DPY19L2: variants seen among roughly 807,000 people sequenced by gnomAD.
The protein encoded by DPY19L2 is probable C-mannosyltransferase DPY19L2.
In DPY19L2, 34 loss-of-function variants were observed where a neutral mutation model predicts 97.9. The ratio of observed to expected loss-of-function variants is 0.35; its 90% CI spans 0.26 to 0.46. The LOEUF (loss-of-function observed/expected upper bound fraction) is 0.46. Ranked by LOEUF, DPY19L2 falls within the 20% of genes least tolerant of loss-of-function variation. The pLI, the probability that DPY19L2 is intolerant of heterozygous loss-of-function variation, is 1.00. For missense variants in DPY19L2, 623 were observed against 911.4 expected (o/e 0.68, Z 4.07); for synonymous variants, 230 against 307.9 (o/e 0.75, Z 2.65).
chr12:63,646,606 G>A (rs1893443448), intron 5 of DPY19L2, among the ~76,000 whole-genome samples: 1 of 152,102 alleles, frequency 6.6e-6, no homozygotes, highest in Non-Finnish European at 1.5e-5. Context: ...AGATACAAGT[G>A]GCTCTGAATG....
At chr12:63,644,843 T>C (rs2138131885) in intron 5 of DPY19L2, among the ~76,000 whole-genome samples, 1 of 152,270 alleles carries the variant, frequency 6.6e-6, no homozygotes, top group South Asian at 2.1e-4. Flanking sequence ...TGTAATGATT[T>C]GTTGGGGATT....
At chr12:63,618,312 G>A in intron 9 of DPY19L2, 84 bp from the exon 10 acceptor site, 1 of 522,384 alleles carries the variant, frequency 1.9e-6, no homozygotes, top group Non-Finnish European at 3.3e-6. Flanking sequence ...AATATAAGAG[G>A]AGGGCTACAG....
intron 12 of DPY19L2, among the ~76,000 whole-genome samples, chr12:63,607,202 TTGAG>T (rs1322371035): frequency 6.6e-6 from 1 of 152,136 alleles, no homozygotes; most frequent in African/African-American, 2.4e-5. Flanking sequence ...TAATTTTCCT[TTGAG>T]TGCAGCCTTG....
At chr12:63,572,099 G>A (rs1878975523) in intron 19 of DPY19L2, among the ~76,000 whole-genome samples, 1 of 152,152 alleles carries the variant, frequency 6.6e-6, no homozygotes, top group South Asian at 2.1e-4. Context: ...GCAGTGGGGA[G>A]CAGCACCAAG....
intron 12 of DPY19L2, among the ~76,000 whole-genome samples, chr12:63,603,682 C>A (rs3965258): frequency 0.23 from 34,483 of 152,068 alleles, 4,294 homozygotes; most frequent in East Asian, 0.43. Context: ...CCATCCATGT[C>A]CCTGTCAAGG....
At chr12:63,587,219 T>C (rs1881944552) in intron 16 of DPY19L2, among the ~76,000 whole-genome samples, 1 of 152,038 alleles carries the variant, frequency 6.6e-6, no homozygotes, top group Admixed American at 6.6e-5. Context: ...TACAATCCTA[T>C]AATAATCATG....
At chr12:63,620,389 G>A (rs567766085) in intron 9 of DPY19L2, among the ~76,000 whole-genome samples, 14 of 152,182 alleles carry the variant, frequency 9.2e-5, no homozygotes, top group African/African-American at 3.1e-4. Flanking sequence ...ATTGGCCCTT[G>A]GCATGCTGTG....
rs1241196565 is a variant in DPY19L2 at position 63,596,048 on chromosome 12, C to A, written c.1462-11G>T. 3 of 1,588,420 alleles carry A rather than the reference C, an allele frequency of 1.9e-6. No homozygotes were observed. The highest frequency in any genetic ancestry group is 2.6e-6 in the Non-Finnish European group (3 of 1,168,630). ...GTATCTCAGCGGAGTCTGAAATATA[C>A]CAAATTATTCAAAATGGTTACTTAC... On this transcript the variant is annotated splice_polypyrimidine_tract_variant and intron_variant, in intron 14 of 21. Coordinates refer to ENST00000324472, the MANE Select transcript of DPY19L2 (RefSeq NM_173812.5).
chr12:63,569,007 C>A (rs1294475131), intron 21 of DPY19L2, among the ~76,000 whole-genome samples: 1 of 151,708 alleles, frequency 6.6e-6, no homozygotes, highest in Non-Finnish European at 1.5e-5. Flanking sequence ...ATTGAAAAAT[C>A]AGGATATTAA....
At chr12:63,625,913 C>CAA (rs1288984900) in intron 7 of DPY19L2, among the ~76,000 whole-genome samples, 2 of 146,758 alleles carry the variant, frequency 1.4e-5, no homozygotes, top group Non-Finnish European at 3.0e-5. Context: ...ATTCTGACCA[C>CAA]AATAAAAAGT....
At chr12:63,579,161 A>G (rs146225270) in intron 19 of DPY19L2, among the ~76,000 whole-genome samples, 4,497 of 152,272 alleles carry the variant, frequency 0.03, 105 homozygotes, top group Middle Eastern at 0.082. Flanking sequence ...ATATTTTCCT[A>G]TCACTGTATG....
At chr12:63,624,270 T>C (rs1889170321) in intron 7 of DPY19L2, 139 bp from the exon 8 acceptor site, 1 of 654,980 alleles carries the variant, frequency 1.5e-6, no homozygotes, top group South Asian at 1.9e-5. Flanking sequence ...AGCTTCTCAG[T>C]TTTTGAAGCT....
At chr12:63,651,715 A>T (rs1226972735) in intron 4 of DPY19L2, 17 of 447,572 alleles carry the variant, frequency 3.8e-5, no homozygotes, top group Admixed American at 6.7e-5. Context: ...AAGGATGGTT[A>T]CAACTGCAAT....
chr12:63,568,564 C>A (rs1565694082), intron 21 of DPY19L2, among the ~76,000 whole-genome samples: 1 of 151,872 alleles, frequency 6.6e-6, no homozygotes, highest in South Asian at 2.1e-4. Flanking sequence ...TAGTTTGCAT[C>A]TCTGAAACTT....
At chr12:63,585,455 A>C (rs905167528) in intron 16 of DPY19L2, among the ~76,000 whole-genome samples, 1 of 152,062 alleles carries the variant, frequency 6.6e-6, no homozygotes, top group Non-Finnish European at 1.5e-5. Context: ...TTTAAATCGA[A>C]GACAGGGGAA....
chr12:63,572,771 G>T (rs899295196), intron 19 of DPY19L2, among the ~76,000 whole-genome samples: 4 of 152,044 alleles, frequency 2.6e-5, no homozygotes, highest in African/African-American at 9.7e-5. Context: ...GAGAGTAAGG[G>T]AAGAGAACAA....
chr12:63,587,676 G>A (rs752743047), intron 16 of DPY19L2, among the ~76,000 whole-genome samples: 8 of 151,586 alleles, frequency 5.3e-5, no homozygotes, highest in Non-Finnish European at 1.0e-4. Context: ...GGGTTCCAGC[G>A]ATTCTCCTGC....
rs773390329 is a variant in DPY19L2 at position 63,668,305 on chromosome 12, T to C, written c.89A>G (p.Glu30Gly). Residue 30 changes from glutamate to glycine, a missense_variant, in exon 1 of 22, where the codon GAG (glutamate) becomes GGG (glycine). This residue lies in a region of DPY19L2 where 144 missense variants were observed against 119.4 expected (regional missense o/e 1.21). Transcript: ENST00000324472. ...KGRRGASLAR[E>G]PEVEEEMEKS... ...TTCCATCTCCTCCTCTACCTCCGGCTCCCGGGCGAGGGAGGCCCCGCGCCG... is the reference window on the plus strand; with the variant it reads ...TTCCATCTCCTCCTCTACCTCCGGCCCCCGGGCGAGGGAGGCCCCGCGCCG... 3.7e-6 allele frequency: 6 copies of C among 1,613,814 alleles called. 1 individual carries two copies. In the South Asian group the frequency reaches 6.6e-5, roughly 18 times the overall value.
intron 5 of DPY19L2, among the ~76,000 whole-genome samples, chr12:63,646,407 C>T (rs1172875719): frequency 6.6e-6 from 1 of 152,044 alleles, no homozygotes; most frequent in African/African-American, 2.4e-5. Flanking sequence ...GCCCCTCAAA[C>T]ATCCTCATCA....
Sources: gnomAD v4.1 joint callset for allele counts (sites outside exome capture counted in the v4.1 genomes callset) on GRCh38, gnomAD v4.1.1 for gene constraint, gnomAD v4.1.1 regional missense constraint, MANE v1.5 for transcripts, NCBI Gene and HGNC (gene_info 2026-07-23, HGNC 2026-07-21) for gene names.